Variants in PTPRN2 observed in about 807,000 individuals in gnomAD.
PTPRN2 encodes the protein protein tyrosine phosphatase receptor type N2, also known as receptor-type tyrosine-protein phosphatase N2.
PTPRN2 carries 74 observed loss-of-function variants against 118.8 expected under a neutral mutation model. That is an observed-to-expected ratio of 0.62 (90% CI 0.52 to 0.76). The LOEUF (loss-of-function observed/expected upper bound fraction) is 0.76. Ranked by LOEUF, PTPRN2 falls within the 30% of genes least tolerant of loss-of-function variation. The pLI, the probability that PTPRN2 is intolerant of heterozygous loss-of-function variation, is 0.00. For synonymous variants in PTPRN2, 641 were observed against 608.0 expected (o/e 1.05, Z -0.80); for missense variants, 1,481 against 1,394.4 (o/e 1.06, Z -0.99).
intron 10 of PTPRN2, among the ~76,000 whole-genome samples, chr7:158,082,851 G>A (rs552414092): frequency 5.9e-5 from 9 of 152,304 alleles, no homozygotes; most frequent in East Asian, 5.8e-4. Flanking sequence ...CTTGGAAGCC[G>A]CCTCCAGGGA....
At chr7:158,241,828 T>A (rs982925203) in intron 3 of PTPRN2, among the ~76,000 whole-genome samples, 2 of 152,172 alleles carry the variant, frequency 1.3e-5, no homozygotes, top group African/African-American at 4.8e-5. Flanking sequence ...GGACCTTTTT[T>A]AAGTCAAGGA....
chr7:157,878,704 C>A (rs1250080149), intron 12 of PTPRN2, among the ~76,000 whole-genome samples: 1 of 142,952 alleles, frequency 7.0e-6, no homozygotes, highest in Non-Finnish European at 1.5e-5. Context: ...CATGCACCCA[C>A]ACTTACTCAC....
intron 3 of PTPRN2, among the ~76,000 whole-genome samples, chr7:158,213,454 G>C (rs919673187): frequency 6.6e-6 from 1 of 152,072 alleles, no homozygotes; most frequent in Non-Finnish European, 1.5e-5. Flanking sequence ...CTGAAGTGAA[G>C]AATGATAGGA....
At chr7:157,558,615 T>A (rs1327844799) in intron 21 of PTPRN2, among the ~76,000 whole-genome samples, 1 of 152,232 alleles carries the variant, frequency 6.6e-6, no homozygotes, top group Non-Finnish European at 1.5e-5. Flanking sequence ...TTGCACCTTT[T>A]ACCCAAAAGG....
In PTPRN2 at chr7:157,603,347, G is replaced by A. The variant is rs1174056507; in HGVS notation, c.2418+655C>T. ...CCCAGAGTTAAATAGGGTGAGAGCC[G>A]CGTCTAGCATGGGCTGAGAGGAGCC... On this transcript the variant is annotated intron_variant, in intron 16 of 22. Coordinates refer to ENST00000389418, the MANE Select transcript of PTPRN2 (RefSeq NM_002847.5). The surrounding 1 kb of genome is among the most constrained non-coding windows in gnomAD (Gnocchi z 5.4). 5.3e-5 allele frequency among the ~76,000 whole-genome samples: 8 copies of A among 152,166 alleles called. No homozygotes were observed. Among genetic ancestry groups the A allele is most frequent in the East Asian group, 1.9e-4 (1 of 5,190 alleles).
chr7:158,340,581 C>G (rs1181766684), intron 2 of PTPRN2, among the ~76,000 whole-genome samples: 21 of 118,050 alleles, frequency 1.8e-4, no homozygotes, highest in African/African-American at 5.6e-4. Context: ...ACCATAAGAG[C>G]CGACGCCCGC....
At chr7:158,341,243 G>C (rs139002702) in intron 2 of PTPRN2, among the ~76,000 whole-genome samples, 2 of 91,450 alleles carry the variant, frequency 2.2e-5, no homozygotes, top group African/African-American at 8.0e-5. Context: ...CACCATAATT[G>C]GTGACACCTG....
chr7:158,291,778 C>T (rs1340132765), intron 3 of PTPRN2, among the ~76,000 whole-genome samples: 1 of 152,244 alleles, frequency 6.6e-6, no homozygotes, highest in Non-Finnish European at 1.5e-5. Flanking sequence ...CTTCATATAG[C>T]TTTGCCATTT....
chr7:157,730,849 C>T (rs536634091), intron 12 of PTPRN2, among the ~76,000 whole-genome samples: 3 of 152,266 alleles, frequency 2.0e-5, no homozygotes, highest in East Asian at 1.9e-4. Flanking sequence ...CTGACCTCGG[C>T]GTGGCTCCCG....
intron 12 of PTPRN2, among the ~76,000 whole-genome samples, chr7:157,796,882 C>T (rs1804900840): frequency 6.6e-6 from 1 of 152,186 alleles, no homozygotes; most frequent in South Asian, 2.1e-4. Context: ...CCCCCAAGTC[C>T]AGTCACCACC....
intron 6 of PTPRN2, among the ~76,000 whole-genome samples, chr7:158,150,264 A>G (rs937849601): frequency 6.6e-6 from 1 of 152,240 alleles, no homozygotes; most frequent in African/African-American, 2.4e-5. Flanking sequence ...GAGATTTTTA[A>G]ACAAGTTGAA....
chr7:157,802,079 T>A (rs1805343584), intron 12 of PTPRN2, among the ~76,000 whole-genome samples: 1 of 152,124 alleles, frequency 6.6e-6, no homozygotes, highest in African/African-American at 2.4e-5. Context: ...TCATGGGACT[T>A]CACTTCCGTG....
intron 11 of PTPRN2, among the ~76,000 whole-genome samples, chr7:158,011,329 C>A (rs1278583234): frequency 2.6e-5 from 4 of 152,200 alleles, no homozygotes; most frequent in African/African-American, 9.7e-5. Context: ...TTGGTAGAGG[C>A]CTCTTCTCTA....
At chr7:157,917,157 C>T (rs930771950) in intron 11 of PTPRN2, among the ~76,000 whole-genome samples, 2 of 151,876 alleles carry the variant, frequency 1.3e-5, no homozygotes, top group African/African-American at 2.4e-5. Context: ...GGGCTGGCCA[C>T]GCACCCCGGC....
chr7:157,638,633 T>C (rs1247240438), intron 14 of PTPRN2, among the ~76,000 whole-genome samples: 1 of 152,226 alleles, frequency 6.6e-6, no homozygotes, highest in Non-Finnish European at 1.5e-5. Context: ...CAGAGATATT[T>C]TACATCTTTT....
In PTPRN2 at chr7:157,980,517, C is replaced by T. The variant is rs147325745; in HGVS notation, c.1724-81780G>A. ...CTGTCATCCCAGCACTTTGGGAGGC[C>T]GAGGTGGGGAGTCACTTGAGGTCAG... is the stretch of plus-strand genomic sequence containing the variant. On this transcript the variant is annotated intron_variant, in intron 11 of 22. Transcript: ENST00000389418. Among the ~76,000 whole-genome samples, 938 of 152,256 alleles carry T rather than the reference C, an allele frequency of 6.2e-3. 8 individuals carry two copies. The highest frequency in any genetic ancestry group is 0.021 in the African/African-American group (891 of 41,566).
intron 11 of PTPRN2, among the ~76,000 whole-genome samples, chr7:157,957,254 C>T (rs1203200471): frequency 3.9e-5 from 6 of 152,190 alleles, no homozygotes; most frequent in Non-Finnish European, 7.3e-5. Flanking sequence ...TGTACCAACC[C>T]CCATCCCCTC....
intron 11 of PTPRN2, among the ~76,000 whole-genome samples, chr7:158,047,033 C>A (rs1466903586): frequency 2.6e-5 from 4 of 152,238 alleles, no homozygotes; most frequent in African/African-American, 9.6e-5. Context: ...CCTAAAAACG[C>A]CCCCGCCCCT....
intron 2 of PTPRN2, among the ~76,000 whole-genome samples, chr7:158,389,134 T>C (rs4045391): frequency 0.4 from 61,313 of 152,132 alleles, 13,959 homozygotes; most frequent in East Asian, 0.76. Flanking sequence ...GAAACAGGCG[T>C]CCGAAGGGCC....
Sources: allele counts gnomAD v4.1 joint callset (sites outside exome capture counted in the v4.1 genomes callset), GRCh38; gene constraint gnomAD v4.1.1; non-coding constraint Gnocchi (gnomAD v3.1); transcripts MANE v1.5; gene names NCBI Gene and HGNC (gene_info 2026-07-23, HGNC 2026-07-21).